TNRC18: variants seen among roughly 807,000 people sequenced by gnomAD.
The protein encoded by TNRC18 is trinucleotide repeat-containing gene 18 protein.
In TNRC18, 69 loss-of-function variants were observed where a neutral mutation model predicts 226.7. The ratio of observed to expected loss-of-function variants is 0.30; its 90% confidence interval spans 0.25 to 0.37. TNRC18 has a LOEUF of 0.37. Ranked by LOEUF, TNRC18 falls within the 10% of genes least tolerant of loss-of-function variation. The pLI, the probability that TNRC18 is intolerant of heterozygous loss-of-function variation, is 1.00. For synonymous variants in TNRC18, 2,449 were observed against 1,927.6 expected (o/e 1.27, Z -7.09); for missense variants, 4,754 against 4,256.6 (o/e 1.12, Z -3.25).
chr7:5,394,414 A>G lies in TNRC18; in HGVS notation c.343+26T>C, dbSNP rs1184931526. ...CTGGGACGTCAGCCCAGCAGCCCTCAGCCCCGACCCCGGCATGTTCCTTAC... is the reference window on the plus strand; with the variant it reads ...CTGGGACGTCAGCCCAGCAGCCCTCGGCCCCGACCCCGGCATGTTCCTTAC... On this transcript the variant is annotated intron_variant, in intron 3 of 29. Coordinates refer to ENST00000430969, the MANE Select transcript of TNRC18 (RefSeq NM_001080495.3). This position sits in a 1 kb window ranked among gnomAD's most constrained non-coding sequence, Gnocchi z 4.5. 1 of 1,504,126 alleles carries G rather than the reference A, an allele frequency of 6.6e-7. No homozygotes were observed. Among genetic ancestry groups the G allele is most frequent in the African/African-American group, 1.4e-5 (1 of 70,388 alleles). 93.2% of individuals were successfully genotyped at this position (1,504,126 alleles called of 1,614,324 possible).
chr7:5,315,840 T>C, intron 25 of TNRC18, 116 bp downstream of exon 25: 1 of 725,516 alleles, frequency 1.4e-6, no homozygotes, highest in Non-Finnish European at 2.1e-6. Context: ...TTCTGCTGCT[T>C]CCATCACCTG....
rs763337335 is a variant in TNRC18 at position 5,388,582 on chromosome 7, G to T, written c.1242C>A (p.Pro414=). 6.6e-5 allele frequency: 85 copies of T among 1,297,324 alleles called. No homozygotes were observed. Among genetic ancestry groups the T allele is most frequent in the Middle Eastern group, 2.8e-4 (1 of 3,528 alleles). 80.4% of individuals were successfully genotyped at this position (1,297,324 alleles called of 1,614,324 possible). A position where few individuals can be genotyped will look rare whatever the true frequency, so the allele number is the denominator to read the frequency against. The change falls in exon 5 of 30, where the codon CCC becomes CCA. Residue 414 remains proline (P), a synonymous_variant. Coordinates refer to ENST00000430969, the MANE Select transcript of TNRC18 (RefSeq NM_001080495.3). Reference sequence around the variant, plus strand: ...GCCGGTCCAGAGGCCGCGGGGAGCCGGGGGGCGCCTGCAGGACCCCTGGCC... The same window carrying T: ...GCCGGTCCAGAGGCCGCGGGGAGCCTGGGGGCGCCTGCAGGACCCCTGGCC... ...AGRPGVLQAP[P]GSPRPLDRPE... is the part of the protein sequence containing the mutation.
At chr7:5,308,843 A>G (rs1223734613) in intron 29 of TNRC18, 32 bp downstream of exon 29, 3 of 835,886 alleles carry the variant, frequency 3.6e-6, no homozygotes, top group Non-Finnish European at 3.9e-6. Context: ...GCCATCCCCA[A>G]CCCGCCCACC....
intron 9 of TNRC18, among the ~76,000 whole-genome samples, chr7:5,374,902 T>C (rs999367880): frequency 5.3e-5 from 8 of 152,148 alleles, no homozygotes; most frequent in Non-Finnish European, 2.9e-5. Flanking sequence ...CATTTTAGGG[T>C]CTCAAAAGGC....
At chr7:5,420,719 G>C (rs1260187876) in intron 2 of TNRC18, 1 of 556,604 alleles carries the variant, frequency 1.8e-6, no homozygotes, top group Non-Finnish European at 3.4e-6. Context: ...GCGGGGGCCG[G>C]TTTGTTCTTT....
chr7:5,321,612 C>A (rs1788364475), intron 21 of TNRC18, among the ~76,000 whole-genome samples: 1 of 152,142 alleles, frequency 6.6e-6, no homozygotes, highest in Admixed American at 6.6e-5. Context: ...CCCCCTCTTA[C>A]TGCTGCCCAC....
chr7:5,315,128 G>C lies in TNRC18; in HGVS notation c.6883C>G (p.Leu2295Val). 6.2e-7 allele frequency: 1 copy of C among 1,612,710 alleles called. No individual in the cohort carries two copies. Among genetic ancestry groups the C allele is most frequent in the Non-Finnish European group, 8.5e-7 (1 of 1,179,642 alleles). Reference sequence around the variant, plus strand: ...CGGCGCTTGGCACTTGGCACCAGAAGGGCCGGGGACGGCTCAGCACCTGTG... The same window carrying C: ...CGGCGCTTGGCACTTGGCACCAGAACGGCCGGGGACGGCTCAGCACCTGTG... ...KIQCAEPSPA[L>V]LVPSAKRRSR... Residue 2295 changes from leucine (L) to valine (V), a missense_variant, in exon 26 of 30, where the codon CTT (leucine) becomes GTT (valine). Leu to Val is a conservative substitution (Grantham distance 32, BLOSUM62 1). Transcript: ENST00000430969.
In TNRC18 at chr7:5,307,717, G is replaced by C; in HGVS notation, c.*389C>G. 1 of 336,454 alleles carries C rather than the reference G, an allele frequency of 3.0e-6. No homozygotes were observed. Among genetic ancestry groups the C allele is most frequent in the South Asian group, 2.3e-5 (1 of 42,834 alleles). 20.8% of individuals were successfully genotyped at this position (336,454 alleles called of 1,614,324 possible). On this transcript the variant is annotated 3_prime_UTR_variant, in exon 30 of 30. Transcript: ENST00000430969. ...TGAGCGTCAGTTTGGTTCCTTAGAA[G>C]CGCCCCTCCCCACCGAATCCCCAGT...
intron 10 of TNRC18, among the ~76,000 whole-genome samples, chr7:5,371,727 T>G (rs1395561864): frequency 6.6e-6 from 1 of 152,148 alleles, no homozygotes; most frequent in East Asian, 1.9e-4. Context: ...TGGTCTGGTC[T>G]CCACTCCCCA....
rs981264493 is a variant in TNRC18, at chr7:5,374,227, G to A, written c.3057C>T (p.Pro1019=). Residue 1019 remains proline, a synonymous_variant, in exon 10 of 30, where the codon CCC becomes CCT. Transcript: ENST00000430969. ...TGGGGGTGGCGGGGTAGGCGTAGGCGGGTGGCTTGGACACGTCCTCCAGCT... is the reference window on the plus strand; with the variant it reads ...TGGGGGTGGCGGGGTAGGCGTAGGCAGGTGGCTTGGACACGTCCTCCAGCT... ...IQKLEDVSKP[P]AYAYPATPSS... 9 of 1,496,422 alleles carry A rather than the reference G, an allele frequency of 6.0e-6. No homozygotes were observed. The highest frequency in any genetic ancestry group is 2.8e-5 in the African/African-American group (2 of 70,704). The allele number at this position is 1,496,422 out of a possible 1,614,324, so 92.7% of individuals were successfully genotyped here. A position where few individuals can be genotyped will look rare whatever the true frequency, so the allele number is the denominator to read the frequency against.
intron 19 of TNRC18, among the ~76,000 whole-genome samples, chr7:5,328,054 T>C (rs1353415196): frequency 6.7e-6 from 1 of 148,648 alleles, no homozygotes; most frequent in African/African-American, 2.5e-5. Flanking sequence ...AAACCCCGTC[T>C]CTACTAAAAA....
At chr7:5,419,161 G>A (rs963757664) in intron 2 of TNRC18, among the ~76,000 whole-genome samples, 6 of 152,266 alleles carry the variant, frequency 3.9e-5, no homozygotes, top group Non-Finnish European at 8.8e-5. Flanking sequence ...CTCCACCTCA[G>A]CCTCACCATC....
intron 2 of TNRC18, among the ~76,000 whole-genome samples, chr7:5,400,385 G>A (rs956496399): frequency 5.3e-5 from 8 of 152,044 alleles, no homozygotes; most frequent in Admixed American, 2.6e-4. Flanking sequence ...AGAGGCGGGC[G>A]GATCACCTGA....
rs1055044685 is a variant in TNRC18, at chr7:5,321,233, T to G, written c.6443-43A>C. 5 of 1,391,124 alleles carry G rather than the reference T, an allele frequency of 3.6e-6. No individual in the cohort carries two copies. The Admixed American group carries it at 8.0e-5, about 22-fold the overall frequency. The allele number at this position is 1,391,124 out of a possible 1,614,324, so 86.2% of individuals were successfully genotyped here. ...TGAGGCGAGGCTGGAGCCGGGGGCG[T>G]CTGCGACACCTCTCCCTCCTCCCGT... On this transcript the variant is annotated intron_variant, in intron 21 of 29. Coordinates refer to ENST00000430969, the MANE Select transcript of TNRC18 (RefSeq NM_001080495.3).
At position 5,345,762 on chromosome 7, in the gene TNRC18, T is replaced by C; in HGVS notation, c.5519A>G (p.Asp1840Gly). 6.5e-7 allele frequency: 1 copy of C among 1,547,150 alleles called. No homozygotes were observed. The highest frequency in any genetic ancestry group is 1.2e-5 in the South Asian group (1 of 83,528). The change falls in exon 18 of 30, where the codon GAC (aspartate) becomes GGC (glycine). Residue 1840 changes from aspartate (D) to glycine (G), a missense_variant. Physicochemically the swap from Asp to Gly is moderately conservative, Grantham distance 94. Coordinates refer to ENST00000430969, the MANE Select transcript of TNRC18 (RefSeq NM_001080495.3). Reference protein sequence around the residue: ...EDEEEELEEEDEASGGGYRLG... With the variant: ...EDEEEELEEEGEASGGGYRLG... ...CCTGTAGCCACCACCGCTGGCCTCG[T>C]CCTCCTCCTCGAGCTCCTCCTCCTC...
At chr7:5,410,885 G>A (rs1426998057) in intron 2 of TNRC18, among the ~76,000 whole-genome samples, 9 of 129,608 alleles carry the variant, frequency 6.9e-5, no homozygotes, top group African/African-American at 2.8e-4. Flanking sequence ...AAAAAAAAAA[G>A]GGAAGAGAAA....
intron 3 of TNRC18, 125 bp from the exon 4 acceptor site, chr7:5,390,753 A>G: frequency 9.0e-7 from 1 of 1,116,190 alleles, no homozygotes; most frequent in East Asian, 2.7e-5. Flanking sequence ...TTGAGGTTTA[A>G]CAGCAGCTCC....
At position 5,388,992 on chromosome 7, in the gene TNRC18, G is replaced by T; in HGVS notation, c.832C>A (p.Pro278Thr). 7.3e-7 allele frequency: 1 copy of T among 1,363,492 alleles called. No homozygotes were observed. 84.5% of individuals were successfully genotyped at this position (1,363,492 alleles called of 1,614,324 possible). A position where few individuals can be genotyped will look rare whatever the true frequency, so the allele number is the denominator to read the frequency against. ...ESKTKNAALQ[P>T]SVLTMCNGGA... ...CCGTTGCACATGGTCAGTACCGACG[G>T]CTGCAGCGCCGCATTCTTGGTCTTG... Residue 278 changes from proline (P) to threonine (T), a missense_variant, in exon 5 of 30, where the codon CCG becomes ACG. Pro to Thr is a conservative substitution (Grantham distance 38, BLOSUM62 -1). Coordinates refer to ENST00000430969, the MANE Select transcript of TNRC18 (RefSeq NM_001080495.3).
intron 2 of TNRC18, among the ~76,000 whole-genome samples, chr7:5,402,997 A>G (rs111874394): frequency 0.011 from 1,637 of 151,820 alleles, 37 homozygotes; most frequent in African/African-American, 0.037. Flanking sequence ...GGGGAGAGGG[A>G]TTGGTGTCCC....
Sources: allele counts gnomAD v4.1 joint callset (sites outside exome capture counted in the v4.1 genomes callset), GRCh38; gene constraint gnomAD v4.1.1; non-coding constraint Gnocchi (gnomAD v3.1); transcripts MANE v1.5; gene names NCBI Gene and HGNC (gene_info 2026-07-23, HGNC 2026-07-21).